The following AP1M1 variants were observed in gnomAD, a reference collection of about 807,000 sequenced individuals.
The protein encoded by AP1M1 is AP-1 complex subunit mu-1.
A neutral mutation model predicts 57.1 loss-of-function variants in AP1M1; 18 were observed. The ratio of observed to expected loss-of-function variants is 0.32; its 90% CI spans 0.22 to 0.47. AP1M1 has a LOEUF of 0.47. AP1M1 is among the 20% of genes least tolerant of loss of function. The pLI is 1.00. For synonymous variants in AP1M1, 241 were observed against 237.9 expected (o/e 1.01, Z -0.12); for missense variants, 362 against 593.5 (o/e 0.61, Z 4.05).
At position 16,228,682 on chromosome 19, in the gene AP1M1, G is replaced by A. The variant is rs1159747646; in HGVS notation, c.889-88G>A. On this transcript the variant is annotated intron_variant, in intron 8 of 11. Coordinates refer to ENST00000291439, the MANE Select transcript of AP1M1 (RefSeq NM_032493.4). This position sits in a 1 kb window ranked among gnomAD's most constrained non-coding sequence, Gnocchi z 5.0. ...GGGGCGGGGCTAGGGAGGATCCCCCGGGCCAGGCTGAGGGGCATGTGTCCT... is the reference window on the plus strand; with the variant it reads ...GGGGCGGGGCTAGGGAGGATCCCCCAGGCCAGGCTGAGGGGCATGTGTCCT... 45 of 1,498,216 alleles carry A rather than the reference G, an allele frequency of 3.0e-5. No homozygotes were observed. Among genetic ancestry groups the A allele is most frequent in the South Asian group, 1.5e-4 (13 of 84,134 alleles). The allele number at this position is 1,498,216 out of a possible 1,614,324, so 92.8% of individuals were successfully genotyped here.
intron 10 of AP1M1, chr19:16,233,913 G>C: frequency 1.8e-6 from 1 of 551,964 alleles, no homozygotes; most frequent in Admixed American, 3.4e-5. Flanking sequence ...ACAGAGGGAG[G>C]AGAGGCTCCC....
chr19:16,228,134 C>T lies in AP1M1; in HGVS notation c.817-3C>T. On this transcript the variant is annotated splice_region_variant and splice_polypyrimidine_tract_variant and intron_variant, in intron 7 of 11. Transcript: ENST00000291439. This position sits in a 1 kb window ranked among gnomAD's most constrained non-coding sequence, Gnocchi z 5.0. ...TGAGCACCCTCTTTGCCCTCCTTGGCAGGTCAAGCCTTTGATATGGATCGA... is the reference window on the plus strand; with the variant it reads ...TGAGCACCCTCTTTGCCCTCCTTGGTAGGTCAAGCCTTTGATATGGATCGA... The T allele has an allele frequency of 6.2e-7, 1 of 1,613,794 alleles. No individual in the cohort carries two copies. The highest frequency in any genetic ancestry group is 8.5e-7 in the Non-Finnish European group (1 of 1,179,994).
At position 16,226,457 on chromosome 19, in the gene AP1M1, G is replaced by T; in HGVS notation, c.583G>T (p.Val195Leu). ...CGGCAATGTCCTGCGCAGCGAGATC[G>T]TGGGCTCCATCAAGATGCGAGTCTT... ...ANGNVLRSEI[V>L]GSIKMRVFLS... The change falls in exon 6 of 12, where the codon GTG (valine) becomes TTG (leucine). Residue 195 changes from valine (V) to leucine (L), a missense_variant. Physicochemically the swap from Val to Leu is conservative, Grantham distance 32. Coordinates refer to ENST00000291439, the MANE Select transcript of AP1M1 (RefSeq NM_032493.4). 6.4e-7 allele frequency: 1 copy of T among 1,571,772 alleles called. No homozygotes were observed.
chr19:16,227,790 A>C lies in AP1M1; in HGVS notation c.816+100A>C. 5.7e-6 allele frequency: 8 copies of C among 1,408,532 alleles called. No homozygotes were observed. The highest frequency in any genetic ancestry group is 1.4e-5 in the African/African-American group (1 of 71,080). The allele number at this position is 1,408,532 out of a possible 1,614,324, so 87.3% of individuals were successfully genotyped here. A position where few individuals can be genotyped will look rare whatever the true frequency, so the allele number is the denominator to read the frequency against. ...CAGGCGCCAGGGCCAGCCCCACCCC[A>C]CGCTCCATGAGCTGCCTGGCTCTGC... On this transcript the variant is annotated intron_variant, in intron 7 of 11. Coordinates refer to ENST00000291439, the MANE Select transcript of AP1M1 (RefSeq NM_032493.4). The surrounding 1 kb of genome is among the most constrained non-coding windows in gnomAD (Gnocchi z 6.2).
At position 16,209,895 on chromosome 19, in the gene AP1M1, G is replaced by A. The variant is rs114319880; in HGVS notation, c.546+718G>A. 2.0e-3 allele frequency among the ~76,000 whole-genome samples: 307 copies of A among 152,038 alleles called. 1 individual carries two copies. The highest frequency in any genetic ancestry group is 7.2e-3 in the African/African-American group (297 of 41,454). On this transcript the variant is annotated intron_variant, in intron 5 of 11. Transcript: ENST00000291439. ...GTTGACGTTTTGAAAATGAATTTTA[G>A]CGCTTGTACAGATTTGTGTACCCAT...
At chr19:16,221,848 G>C (rs953310210) in intron 5 of AP1M1, among the ~76,000 whole-genome samples, 2 of 152,042 alleles carry the variant, frequency 1.3e-5, no homozygotes, top group African/African-American at 4.8e-5. Context: ...CACCACACTT[G>C]GCTAATTTTG....
At chr19:16,208,493 T>G (rs2091479653) in intron 4 of AP1M1, among the ~76,000 whole-genome samples, 1 of 152,168 alleles carries the variant, frequency 6.6e-6, no homozygotes, top group South Asian at 2.1e-4. Flanking sequence ...GCCCTTCAGA[T>G]AAGAAGCAAT....
Position 16,234,630 on chromosome 19 carries a change from G to A in AP1M1, c.*195G>A, listed in dbSNP as rs1363009925. 4.7e-6 allele frequency: 3 copies of A among 643,346 alleles called. No individual in the cohort carries two copies. The highest frequency in any genetic ancestry group is 2.9e-5 in the Admixed American group (1 of 34,670). 39.9% of individuals were successfully genotyped at this position (643,346 alleles called of 1,614,324 possible). On this transcript the variant is annotated 3_prime_UTR_variant, in exon 12 of 12. Transcript: ENST00000291439. ...CGTCTCAGAAGCCCCTTTCCCAGAAGAGGCTGGTCTTCAAGAAGTCTCGTT... is the reference window on the plus strand; with the variant it reads ...CGTCTCAGAAGCCCCTTTCCCAGAAAAGGCTGGTCTTCAAGAAGTCTCGTT...
chr19:16,215,212 A>T (rs1484755378), intron 5 of AP1M1, among the ~76,000 whole-genome samples: 1 of 2,104 alleles, frequency 4.8e-4, no homozygotes, highest in African/African-American at 1.1e-3. Context: ...GGGGGGGGGG[A>T]GAGGGGGGAG....
rs3752796 is a variant in AP1M1, at chr19:16,229,063, A to C, written c.1047+135A>C. The C allele has an allele frequency of 3.6e-6, 4 of 1,111,490 alleles. No homozygotes were observed. The African/African-American group carries it at 6.2e-5, about 17-fold the overall frequency. 68.9% of individuals were successfully genotyped at this position (1,111,490 alleles called of 1,614,324 possible). A position where few individuals can be genotyped will look rare whatever the true frequency, so the allele number is the denominator to read the frequency against. On this transcript the variant is annotated intron_variant, in intron 9 of 11. Transcript: ENST00000291439. ...GTCTTCCACACCTGGGGCTTCTGAA[A>C]GGGTGGACGGAGAGCTGAGGACTGG...
rs954867066 is a variant in AP1M1, at chr19:16,230,404, C to T, written c.1047+1476C>T. On this transcript the variant is annotated intron_variant, in intron 9 of 11. Coordinates refer to ENST00000291439, the MANE Select transcript of AP1M1 (RefSeq NM_032493.4). Reference sequence around the variant, plus strand: ...CATTCAGACTACAGTATACGGTAACCTTTTTTTTTTTTTTGAGACGGAGTC... The same window carrying T: ...CATTCAGACTACAGTATACGGTAACTTTTTTTTTTTTTTTGAGACGGAGTC... Among the ~76,000 whole-genome samples, 240 of 143,510 alleles carry T rather than the reference C, an allele frequency of 1.7e-3. 1 individual carries two copies. The highest frequency in any genetic ancestry group is 5.8e-3 in the African/African-American group (227 of 39,038). 94.1% of individuals were successfully genotyped at this position (143,510 alleles called of 152,430 possible). A position where few individuals can be genotyped will look rare whatever the true frequency, so the allele number is the denominator to read the frequency against.
At position 16,199,912 on chromosome 19, in the gene AP1M1, G is replaced by A. The variant is rs1439114457; in HGVS notation, c.42+1844G>A. On this transcript the variant is annotated intron_variant, in intron 1 of 11. Transcript: ENST00000291439. ...GCACCCTGCCCTATGCCGGGCATAG[G>A]GTGTCCATTGGCGCCATGGCTGTGG... 4.2e-4 allele frequency among the ~76,000 whole-genome samples: 64 copies of A among 152,156 alleles called. 1 individual carries two copies. The highest frequency in any genetic ancestry group is 5.9e-5 in the Non-Finnish European group (4 of 68,014).
At position 16,203,491 on chromosome 19, in the gene AP1M1, G is replaced by A; in HGVS notation, c.75G>A (p.Val25=). The change falls in exon 2 of 12, where the codon GTG becomes GTA. Residue 25 remains valine, a synonymous_variant. Transcript: ENST00000291439. This position sits in a 1 kb window ranked among gnomAD's most constrained non-coding sequence, Gnocchi z 4.6. ...VLICRNYRGD[V]DMSEVEHFMP... ...TCTGCCGGAACTACCGTGGCGACGT[G>A]GACATGTCAGAGGTGGAGCACTTCA... 6.2e-7 allele frequency: 1 copy of A among 1,614,202 alleles called. No individual in the cohort carries two copies. The highest frequency in any genetic ancestry group is 8.5e-7 in the Non-Finnish European group (1 of 1,180,038).
intron 1 of AP1M1, among the ~76,000 whole-genome samples, chr19:16,201,388 CTTTTTTTTTTTTTTT>C (rs57467734): frequency 1.1e-4 from 7 of 62,374 alleles, no homozygotes; most frequent in Non-Finnish European, 1.5e-4. Context: ...GGGAGGATTT[CTTTTTTTTTTTTTTT>C]TTTTTTTTTT....
At chr19:16,215,461 C>T (rs1270327838) in intron 5 of AP1M1, among the ~76,000 whole-genome samples, 1 of 65,002 alleles carries the variant, frequency 1.5e-5, no homozygotes, top group Admixed American at 2.2e-4. Flanking sequence ...GAGATTCCAT[C>T]TCAAAAAAAA....
rs1433703976 is a variant in AP1M1 at position 16,216,305 on chromosome 19, T to C, written c.546+7128T>C. On this transcript the variant is annotated intron_variant, in intron 5 of 11. Coordinates refer to ENST00000291439, the MANE Select transcript of AP1M1 (RefSeq NM_032493.4). ...CTAAAAATACAAAAAATTAGCCGGG[T>C]GTGGTGGCGGGCGCCTGTAGTCCCA... 4.0e-5 allele frequency among the ~76,000 whole-genome samples: 6 copies of C among 151,832 alleles called. No individual in the cohort carries two copies. In the South Asian group the frequency reaches 6.2e-4, roughly 16 times the overall value.
intron 5 of AP1M1, among the ~76,000 whole-genome samples, chr19:16,217,797 A>G (rs1206385829): frequency 3.3e-5 from 5 of 152,162 alleles, no homozygotes; most frequent in African/African-American, 9.7e-5. Context: ...GCTCCACCAC[A>G]TATGCTTCTG....
intron 5 of AP1M1, among the ~76,000 whole-genome samples, chr19:16,219,398 G>GTTTTTTTT (rs71178659): frequency 3.3e-4 from 7 of 21,512 alleles, no homozygotes; most frequent in Non-Finnish European, 2.5e-4. Flanking sequence ...TTGTTTTTTT[G>GTTTTTTTT]TTTTTTTTTT....
At chr19:16,233,107 G>A (rs965594249) in intron 9 of AP1M1, among the ~76,000 whole-genome samples, 7 of 152,266 alleles carry the variant, frequency 4.6e-5, no homozygotes, top group South Asian at 4.1e-4. Context: ...CCCCTGCCAC[G>A]GTCATTACAC....
Sources: allele counts gnomAD v4.1 joint callset (sites outside exome capture counted in the v4.1 genomes callset), GRCh38; gene constraint gnomAD v4.1.1; non-coding constraint Gnocchi (gnomAD v3.1); transcripts MANE v1.5; gene names NCBI Gene and HGNC (gene_info 2026-07-23, HGNC 2026-07-21).